The following ASIC2 variants were observed in gnomAD, a reference collection of about 807,000 sequenced individuals.
ASIC2 encodes the protein acid-sensing ion channel 2.
A neutral mutation model predicts 57.3 loss-of-function variants in ASIC2; 25 were observed. The observed-to-expected ratio is 0.44, with a 90% CI of 0.32 to 0.61. ASIC2 has a LOEUF of 0.61. Among genes scored for constraint, ASIC2 ranks in the 20% least tolerant of loss-of-function variants. The pLI, the probability that ASIC2 is intolerant of heterozygous loss-of-function variation, is 0.06. For synonymous variants in ASIC2, 319 were observed against 307.5 expected (o/e 1.04, Z -0.39); for missense variants, 641 against 738.1 (o/e 0.87, Z 1.52).
chr17:33,869,255 G>T (rs1271225868), intron 1 of ASIC2, among the ~76,000 whole-genome samples: 1 of 151,336 alleles, frequency 6.6e-6, no homozygotes, highest in South Asian at 2.1e-4. Flanking sequence ...AAAAAACAAA[G>T]AATATTAATT....
intron 1 of ASIC2, among the ~76,000 whole-genome samples, chr17:33,745,363 A>G (rs920457951): frequency 1.3e-5 from 2 of 152,006 alleles, no homozygotes; most frequent in Non-Finnish European, 2.9e-5. Context: ...ATAGGAGCAG[A>G]AAAATATCAC....
chr17:33,769,490 T>G (rs1911032847), intron 1 of ASIC2, among the ~76,000 whole-genome samples: 1 of 152,268 alleles, frequency 6.6e-6, no homozygotes, highest in Non-Finnish European at 1.5e-5. Context: ...CAAAGTTTAC[T>G]GTACCAAGCC....
At chr17:34,132,360 G>T (rs1048782905) in intron 1 of ASIC2, among the ~76,000 whole-genome samples, 1 of 152,166 alleles carries the variant, frequency 6.6e-6, no homozygotes. Flanking sequence ...CTTCCACAGC[G>T]TGGAAGGACA....
intron 1 of ASIC2, among the ~76,000 whole-genome samples, chr17:33,854,240 G>A (rs222491): frequency 6.6e-6 from 1 of 152,002 alleles, no homozygotes; most frequent in Non-Finnish European, 1.5e-5. Context: ...CTGCACTGTA[G>A]GCATGCATGC....
chr17:33,401,670 A>G (rs191459088), intron 1 of ASIC2, among the ~76,000 whole-genome samples: 2 of 152,298 alleles, frequency 1.3e-5, no homozygotes, highest in Admixed American at 1.3e-4. Context: ...CAGAAGTAGG[A>G]TTTTAAATCC....
Position 33,597,517 on chromosome 17 carries a change from C to G in ASIC2, c.556-485450G>C, listed in dbSNP as rs543081882. Among the ~76,000 whole-genome samples, 3 of 152,030 alleles carry G rather than the reference C, an allele frequency of 2.0e-5. No individual in the cohort carries two copies. The South Asian group carries it at 6.2e-4, about 32-fold the overall frequency. On this transcript the variant is annotated intron_variant, in intron 1 of 9. Transcript: ENST00000359872. Reference sequence around the variant, plus strand: ...GGGCCTCTCACTTCTATATATATGACTTAGCTTTTTTTTTCAAGAATCAGG... The same window carrying G: ...GGGCCTCTCACTTCTATATATATGAGTTAGCTTTTTTTTTCAAGAATCAGG...
chr17:33,753,176 T>C (rs560674518), intron 1 of ASIC2, among the ~76,000 whole-genome samples: 1 of 152,304 alleles, frequency 6.6e-6, no homozygotes, highest in Admixed American at 6.5e-5. Context: ...ATCCTAAATA[T>C]GTATTGCTAA....
chr17:33,313,170 T>TA (rs1277953570), intron 1 of ASIC2, among the ~76,000 whole-genome samples: 15 of 150,814 alleles, frequency 9.9e-5, no homozygotes, highest in African/African-American at 2.9e-4. Context: ...ATTTTTTTTT[T>TA]AAAAAATTAG....
chr17:33,846,504 G>A (rs924737152), intron 1 of ASIC2, among the ~76,000 whole-genome samples: 7 of 152,174 alleles, frequency 4.6e-5, no homozygotes, highest in Non-Finnish European at 1.0e-4. Context: ...GGGGGAGGAT[G>A]CATGAGCTAG....
intron 1 of ASIC2, among the ~76,000 whole-genome samples, chr17:33,548,613 A>G (rs1456349282): frequency 1.3e-5 from 2 of 152,182 alleles, no homozygotes; most frequent in Non-Finnish European, 2.9e-5. Context: ...TCCATTCACC[A>G]TGGGTAATTA....
At chr17:33,152,750 A>C (rs1362634030) in intron 1 of ASIC2, among the ~76,000 whole-genome samples, 1 of 152,210 alleles carries the variant, frequency 6.6e-6, no homozygotes, top group East Asian at 1.9e-4. Context: ...TTCCCTGTAC[A>C]TCATCCCTTT....
intron 3 of ASIC2, among the ~76,000 whole-genome samples, chr17:33,051,553 T>G (rs928452213): frequency 6.6e-5 from 10 of 152,176 alleles, no homozygotes; most frequent in African/African-American, 2.4e-4. Flanking sequence ...GGCAAGCACC[T>G]CATCTGGGGA....
At chr17:33,018,984 A>T (rs537831789) in intron 7 of ASIC2, among the ~76,000 whole-genome samples, 8 of 152,146 alleles carry the variant, frequency 5.3e-5, no homozygotes, top group African/African-American at 1.9e-4. Flanking sequence ...AACAACAGAG[A>T]TGGTGGGGAG....
At chr17:33,629,363 C>G (rs1159493560) in intron 1 of ASIC2, among the ~76,000 whole-genome samples, 1 of 152,180 alleles carries the variant, frequency 6.6e-6, no homozygotes, top group African/African-American at 2.4e-5. Flanking sequence ...TGACATTTCA[C>G]TCCAGTTGGG....
intron 1 of ASIC2, among the ~76,000 whole-genome samples, chr17:33,430,783 A>G (rs1345440981): frequency 1.3e-5 from 2 of 152,246 alleles, no homozygotes; most frequent in Non-Finnish European, 2.9e-5. Context: ...AAAACTGTAC[A>G]TAGATTAGAT....
At chr17:34,029,995 G>A (rs1279117322) in intron 1 of ASIC2, among the ~76,000 whole-genome samples, 1 of 152,152 alleles carries the variant, frequency 6.6e-6, no homozygotes, top group African/African-American at 2.4e-5. Context: ...CACTGAACCA[G>A]GCTAACACAG....
chr17:33,999,752 T>A (rs1019269209), intron 1 of ASIC2, among the ~76,000 whole-genome samples: 1 of 152,170 alleles, frequency 6.6e-6, no homozygotes, highest in Non-Finnish European at 1.5e-5. Context: ...TATTTTAATA[T>A]CTTTTCCTTT....
intron 1 of ASIC2, among the ~76,000 whole-genome samples, chr17:33,564,556 T>C (rs768455300): frequency 1.3e-5 from 2 of 152,236 alleles, no homozygotes; most frequent in Non-Finnish European, 2.9e-5. Context: ...AATAGGAATA[T>C]CCAAAGGTTG....
At chr17:33,959,775 T>C (rs1015035533) in intron 1 of ASIC2, among the ~76,000 whole-genome samples, 2 of 152,210 alleles carry the variant, frequency 1.3e-5, no homozygotes, top group Admixed American at 1.3e-4. Flanking sequence ...GTCCACTGAC[T>C]CAAATGTTAA....
Sources: allele counts gnomAD v4.1 joint callset (sites outside exome capture counted in the v4.1 genomes callset), GRCh38; gene constraint gnomAD v4.1.1; transcripts MANE v1.5; gene names NCBI Gene and HGNC (gene_info 2026-07-23, HGNC 2026-07-21).